UMAD1: variants seen among roughly 807,000 people sequenced by gnomAD.
UMAD1 encodes UBAP1-MVB12-associated (UMA)-domain containing protein 1.
In UMAD1, 8 loss-of-function variants were observed where a neutral mutation model predicts 6.1. That is an observed-to-expected ratio of 1.30 (90% confidence interval 0.76 to 2.35). The LOEUF is 2.35. UMAD1 is among the 30% of genes most tolerant of loss of function. UMAD1 has a pLI of 0.00. For missense variants in UMAD1, 130 were observed against 78.4 expected (o/e 1.66, Z -2.49); for synonymous variants, 56 against 31.4 (o/e 1.78, Z -2.61).
At chr7:7,846,912 C>T (rs1235754253) in intron 3 of UMAD1, among the ~76,000 whole-genome samples, 6 of 24,654 alleles carry the variant, frequency 2.4e-4, no homozygotes, top group South Asian at 1.8e-3. Context: ...GTGGTGGGGT[C>T]GGGGGAGGGG....
At chr7:7,694,072 G>C (rs7791051) in intron 2 of UMAD1, among the ~76,000 whole-genome samples, 2,781 of 152,162 alleles carry the variant, frequency 0.018, 89 homozygotes, top group African/African-American at 0.064. Context: ...CAAAGCTTTA[G>C]ATTTTTCTCC....
At chr7:7,837,046 A>G (rs181435298) in intron 3 of UMAD1, among the ~76,000 whole-genome samples, 3 of 152,156 alleles carry the variant, frequency 2.0e-5, no homozygotes, top group Admixed American at 2.0e-4. Flanking sequence ...TATAATAGTG[A>G]CTCAGTATAA....
intron 2 of UMAD1, among the ~76,000 whole-genome samples, chr7:7,679,765 A>G (rs1233885144): frequency 2.0e-5 from 3 of 148,884 alleles, no homozygotes; most frequent in South Asian, 2.1e-4. Context: ...ATAACTCACT[A>G]TGTTACTCAG....
intron 3 of UMAD1, among the ~76,000 whole-genome samples, chr7:7,859,326 A>G (rs1484555476): frequency 6.6e-6 from 1 of 151,838 alleles, no homozygotes; most frequent in East Asian, 1.9e-4. Context: ...TTCTTATTTG[A>G]CTCCTAAGTG....
At chr7:7,733,786 C>A (rs1359950176) in intron 2 of UMAD1, among the ~76,000 whole-genome samples, 1 of 151,344 alleles carries the variant, frequency 6.6e-6, no homozygotes, top group Non-Finnish European at 1.5e-5. Flanking sequence ...GTATTAGTAG[C>A]TTTGAGCTAT....
chr7:7,650,580 A>G (rs937050905), intron 1 of UMAD1, among the ~76,000 whole-genome samples: 3 of 152,224 alleles, frequency 2.0e-5, no homozygotes, highest in African/African-American at 7.2e-5. Context: ...AATGCCACTA[A>G]ACCGTACACT....
chr7:7,847,095 AAAAAAAAAAATATATATATATATATATAT>A (rs1783804891), intron 3 of UMAD1, among the ~76,000 whole-genome samples: 2 of 47,156 alleles, frequency 4.2e-5, no homozygotes, highest in African/African-American at 3.0e-4. Flanking sequence ...TGCAAAAAAA[AAAAAAAAAAATATATATATATATATATAT>A]ATATATATAT....
intron 2 of UMAD1, among the ~76,000 whole-genome samples, chr7:7,676,827 A>T (rs1779752974): frequency 6.6e-6 from 1 of 152,188 alleles, no homozygotes; most frequent in Non-Finnish European, 1.5e-5. Context: ...ACAGATAAAG[A>T]TCTTGACAGA....
At chr7:7,779,297 G>C (rs992282136) in intron 2 of UMAD1, among the ~76,000 whole-genome samples, 1 of 146,714 alleles carries the variant, frequency 6.8e-6, no homozygotes, top group African/African-American at 2.5e-5. Flanking sequence ...TTTTTAAAAA[G>C]AGATAGTCTA....
At chr7:7,709,558 G>A (rs1780696358) in intron 2 of UMAD1, among the ~76,000 whole-genome samples, 1 of 152,216 alleles carries the variant, frequency 6.6e-6, no homozygotes, top group African/African-American at 2.4e-5. Context: ...AGCCTGCAAG[G>A]GCAAAATGAG....
intron 2 of UMAD1, among the ~76,000 whole-genome samples, chr7:7,778,296 GAC>G (rs879372244): frequency 0.011 from 1,637 of 149,504 alleles, 22 homozygotes; most frequent in Admixed American, 0.035. Flanking sequence ...GAGAGAGAGA[GAC>G]AGAGAGAGAG....
chr7:7,843,488 G>A (rs1313882065), intron 3 of UMAD1, among the ~76,000 whole-genome samples: 4 of 152,170 alleles, frequency 2.6e-5, no homozygotes, highest in African/African-American at 9.7e-5. Context: ...TAGTCTTTGA[G>A]TGGATTGGCA....
chr7:7,662,262 C>G (rs1432259396), intron 1 of UMAD1, among the ~76,000 whole-genome samples: 1 of 152,170 alleles, frequency 6.6e-6, no homozygotes, highest in African/African-American at 2.4e-5. Context: ...GGGTTGGGAT[C>G]CACTGAGCTA....
At chr7:7,668,434 CTT>C in intron 1 of UMAD1, among the ~76,000 whole-genome samples, 1 of 152,198 alleles carries the variant, frequency 6.6e-6, no homozygotes, top group South Asian at 2.1e-4. Context: ...ATTCACATAA[CTT>C]TTATTACTAT....
chr7:7,795,946 G>C (rs574944805), intron 2 of UMAD1, among the ~76,000 whole-genome samples: 1 of 152,150 alleles, frequency 6.6e-6, no homozygotes, highest in South Asian at 2.1e-4. Flanking sequence ...AACCTCCTGG[G>C]GATGTGGCCC....
chr7:7,779,675 C>T (rs1247642104), intron 2 of UMAD1, among the ~76,000 whole-genome samples: 1 of 152,058 alleles, frequency 6.6e-6, no homozygotes, highest in Non-Finnish European at 1.5e-5. Context: ...GACAGGGTCT[C>T]ACTCTGCCAT....
At chr7:7,721,818 T>TGG (rs1418229356) in intron 2 of UMAD1, among the ~76,000 whole-genome samples, 2 of 152,216 alleles carry the variant, frequency 1.3e-5, no homozygotes, top group Admixed American at 1.3e-4. Context: ...GTATTGATCC[T>TGG]GGGTGTGTCT....
chr7:7,851,232 T>C (rs1415505058), intron 3 of UMAD1, among the ~76,000 whole-genome samples: 2 of 152,188 alleles, frequency 1.3e-5, no homozygotes, highest in African/African-American at 4.8e-5. Flanking sequence ...CAGTACTCCA[T>C]TCCTTCTCAT....
chr7:7,815,612 AT>A (rs1040726153), intron 3 of UMAD1, among the ~76,000 whole-genome samples: 1 of 152,190 alleles, frequency 6.6e-6, no homozygotes, highest in Non-Finnish European at 1.5e-5. Flanking sequence ...TCCAGCCATC[AT>A]ATCTATTTTC....
Sources: allele counts gnomAD v4.1 joint callset (sites outside exome capture counted in the v4.1 genomes callset), GRCh38; gene constraint gnomAD v4.1.1; transcripts MANE v1.5; gene names NCBI Gene and HGNC (gene_info 2026-07-23, HGNC 2026-07-21).